The following CCDC181 variants were observed in gnomAD, a reference collection of about 807,000 sequenced individuals.
CCDC181 encodes the protein coiled-coil domain-containing protein 181.
CCDC181 carries 35 observed loss-of-function variants against 58.7 expected under a neutral mutation model. That is an observed-to-expected ratio of 0.60 (90% CI 0.46 to 0.79). The LOEUF is 0.79. Ranked by LOEUF, CCDC181 falls within the 30% of genes least tolerant of loss-of-function variation. CCDC181 has a pLI of 0.00. For synonymous variants in CCDC181, 183 were observed against 197.5 expected, an observed-to-expected ratio of 0.93 and a Z score of 0.62; for missense variants, 517 against 583.9, an observed-to-expected ratio of 0.89 and a Z score of 1.18.
At position 169,447,304 on chromosome 1, in the gene CCDC181, G is replaced by A. The variant is rs182487793; in HGVS notation, c.-24+12493C>T. ...ATTTTTGAAATTTTAGTAGAGACAAGGTTTCGCCATGATGGCCAGATTGGT... is the reference window on the plus strand; with the variant it reads ...ATTTTTGAAATTTTAGTAGAGACAAAGTTTCGCCATGATGGCCAGATTGGT... On this transcript the variant is annotated intron_variant, in intron 2 of 6. Coordinates refer to the CCDC181 transcript ENST00000545005. 4.5e-3 allele frequency among the ~76,000 whole-genome samples: 680 copies of A among 152,230 alleles called. 4 individuals carry two copies. The highest frequency in any genetic ancestry group is 0.016 in the African/African-American group (659 of 41,536).
upstream of CCDC181, among the ~76,000 whole-genome samples, chr1:169,429,285 C>A (rs1656838487): frequency 6.6e-6 from 1 of 152,124 alleles, no homozygotes; most frequent in Non-Finnish European, 1.5e-5. Context: ...GTCTTTTTCA[C>A]ATAATGACTT....
intron 2 of CCDC181, chr1:169,451,113 T>G (rs924686577): frequency 3.3e-5 from 5 of 152,110 alleles, no homozygotes; most frequent in Admixed American, 6.6e-5. Flanking sequence ...ATTACAGATG[T>G]GGAAGTCCAA....
chr1:169,459,912 A>G (rs7530756), intron 1 of CCDC181: 2 of 67,248 alleles, frequency 3.0e-5, no homozygotes, highest in Admixed American at 2.6e-4. Context: ...TAGGAAAAAA[A>G]AAAAAAAAAA....
At chr1:169,409,720 A>C (rs1471604880) in intron 4 of CCDC181, among the ~76,000 whole-genome samples, 1 of 152,218 alleles carries the variant, frequency 6.6e-6, no homozygotes, top group Non-Finnish European at 1.5e-5. Context: ...GCCAGAAGAG[A>C]GTAGGGGCCC....
At chr1:169,402,002 G>A (rs539704446) in intron 4 of CCDC181, among the ~76,000 whole-genome samples, 158 of 152,262 alleles carry the variant, frequency 1.0e-3, no homozygotes, top group Middle Eastern at 0.01. Context: ...AGAACTACGC[G>A]ATGCATGCAC....
chr1:169,450,848 T>C (rs535080604), intron 2 of CCDC181, among the ~76,000 whole-genome samples: 4 of 152,354 alleles, frequency 2.6e-5, no homozygotes, highest in Admixed American at 2.6e-4. Context: ...GAATGTATAC[T>C]GCTATCTCAT....
intron 2 of CCDC181, among the ~76,000 whole-genome samples, chr1:169,439,361 T>TGTTATGAGATGTCTCCC (rs1657145803): frequency 6.6e-6 from 1 of 152,336 alleles, no homozygotes; most frequent in South Asian, 2.1e-4. Flanking sequence ...ATAGGGCTAC[T>TGTTATGAGATGTCTCCC]GTTATGAGAT....
At chr1:169,443,140 T>G (rs1354599421) in intron 2 of CCDC181, 1 of 151,848 alleles carries the variant, frequency 6.6e-6, no homozygotes, top group Non-Finnish European at 1.5e-5. Flanking sequence ...CTGGAGACCT[T>G]AAGTTTGCCT....
In CCDC181 at chr1:169,422,248, G is replaced by A. The variant is rs765029493; in HGVS notation, c.183C>T (p.His61=). Residue 61 remains histidine (H), a synonymous_variant, in exon 3 of 6, where the codon CAC becomes CAT. Coordinates refer to ENST00000367806, the MANE Select transcript of CCDC181 (RefSeq NM_001300969.2). The part of the protein sequence containing the change: ...DLKENETVME[H]TKRHSDPDKS... ...TGTCAGGATCAGAATGCCGTTTGGT[G>A]TGCTCCATTACTGTCTCATTCTCTT... 1.2e-6 allele frequency: 2 copies of A among 1,612,170 alleles called. No individual in the cohort carries two copies. The highest frequency in any genetic ancestry group is 1.7e-6 in the Non-Finnish European group (2 of 1,178,692).
chr1:169,420,317 G>A (rs1205026636), intron 3 of CCDC181, among the ~76,000 whole-genome samples: 2 of 151,862 alleles, frequency 1.3e-5, no homozygotes, highest in African/African-American at 2.4e-5. Flanking sequence ...CCAAGTGAAC[G>A]AAGCTCTATA....
At chr1:169,417,900 C>A (rs1303722276) in intron 4 of CCDC181, among the ~76,000 whole-genome samples, 1 of 152,034 alleles carries the variant, frequency 6.6e-6, no homozygotes, top group African/African-American at 2.4e-5. Flanking sequence ...GGGTAGAGAC[C>A]TATATCTATC....
intron 4 of CCDC181, among the ~76,000 whole-genome samples, chr1:169,399,870 CAT>C (rs1553202426): frequency 6.6e-6 from 1 of 152,198 alleles, no homozygotes; most frequent in Non-Finnish European, 1.5e-5. Flanking sequence ...AAGGAGGAGT[CAT>C]AGCATCAAGC....
Position 169,440,931 on chromosome 1 carries a change from T to TA in CCDC181, c.-23-15982dup, listed in dbSNP as rs72040890. On this transcript the variant is annotated intron_variant, in intron 2 of 6. Transcript: ENST00000545005. ...GCCCAGGCAACAGAGCAAGACTGTCTAAAAAAAAAAAAAAGGCAAGATGAG... is the reference window on the plus strand; with the variant it reads ...GCCCAGGCAACAGAGCAAGACTGTCTAAAAAAAAAAAAAAAGGCAAGATGAG... 8.8e-4 allele frequency among the ~76,000 whole-genome samples: 68 copies of TA among 76,890 alleles called. 4 individuals carry two copies. The highest frequency in any genetic ancestry group is 9.8e-4 in the Admixed American group (7 of 7,168). 50.4% of individuals were successfully genotyped at this position (76,890 alleles called of 152,430 possible). A position where few individuals can be genotyped will look rare whatever the true frequency, so the allele number is the denominator to read the frequency against.
chr1:169,426,919 A>G (rs1013535842), intron 1 of CCDC181, among the ~76,000 whole-genome samples: 2 of 152,216 alleles, frequency 1.3e-5, no homozygotes, highest in Non-Finnish European at 2.9e-5. Flanking sequence ...GGTACCACCA[A>G]CGAAATGAAT....
Position 169,459,799 on chromosome 1 carries a change from A to C in CCDC181, c.-26T>G, listed in dbSNP as rs969215576. On this transcript the variant is annotated splice_region_variant and 5_prime_UTR_variant, in exon 2 of 7. Transcript: ENST00000545005. Reference sequence around the variant, plus strand: ...CGATCCTAGAGATTAGTACTGACCTAGAATTTAAGGTCCATCTTTGTCAAC... The same window carrying C: ...CGATCCTAGAGATTAGTACTGACCTCGAATTTAAGGTCCATCTTTGTCAAC... The C allele has an allele frequency of 2.6e-5, 4 of 151,030 alleles. No homozygotes were observed. The East Asian group carries it at 7.8e-4, about 29-fold the overall frequency. The allele number at this position is 151,030 out of a possible 1,614,324, so 9.4% of individuals were successfully genotyped here.
rs759508589 is a variant in CCDC181, at chr1:169,422,033, T to G, written c.398A>C (p.Gln133Pro). 2 of 1,614,078 alleles carry G rather than the reference T, an allele frequency of 1.2e-6. No individual in the cohort carries two copies. Among genetic ancestry groups the G allele is most frequent in the East Asian group, 4.5e-5 (2 of 44,864 alleles). The change falls in exon 3 of 6, where the codon CAA (glutamine) becomes CCA (proline). Residue 133 changes from glutamine to proline, a missense_variant. Gln to Pro is a moderately conservative substitution (Grantham distance 76). Coordinates refer to ENST00000367806, the MANE Select transcript of CCDC181 (RefSeq NM_001300969.2). Reference protein sequence around the residue: ...VRRYIMEKIVQANKLLQNQEP... With the variant: ...VRRYIMEKIVPANKLLQNQEP... ...TTGATTCTGTAGAAGCTTGTTAGCTTGTACAATTTTCTCCATAATATATCT... is the reference window on the plus strand; with the variant it reads ...TTGATTCTGTAGAAGCTTGTTAGCTGGTACAATTTTCTCCATAATATATCT...
Position 169,424,837 on chromosome 1 carries a change from C to G in CCDC181, c.91G>C (p.Glu31Gln), listed in dbSNP as rs144603502. The stretch of plus-strand genomic sequence containing the variant: ...TCTATTATGCTGGCATCACTTTTTT[C>G]ATTTTCATTAATTAACCACTCCAGG... ...KDLEWLINEN[E>Q]KSDASIIEMA... Residue 31 changes from glutamate to glutamine, a missense_variant, in exon 2 of 6, where the codon GAA (glutamate) becomes CAA (glutamine). By Grantham distance (29) the Glu-to-Gln change is conservative. Transcript: ENST00000367806. 3.1e-6 allele frequency: 5 copies of G among 1,597,854 alleles called. No individual in the cohort carries two copies. The highest frequency in any genetic ancestry group is 4.3e-6 in the Non-Finnish European group (5 of 1,168,932).
chr1:169,424,732 A>T, intron 2 of CCDC181, 79 bp downstream of exon 2: 1 of 780,930 alleles, frequency 1.3e-6, no homozygotes, highest in Non-Finnish European at 2.1e-6. Flanking sequence ...TGTTTAGATG[A>T]GATAATAATG....
chr1:169,425,571 A>G (rs1486309008), intron 1 of CCDC181, among the ~76,000 whole-genome samples: 3 of 152,168 alleles, frequency 2.0e-5, no homozygotes, highest in African/African-American at 7.2e-5. Flanking sequence ...TCAACACTTC[A>G]GAGTGAGTTT....
Sources: allele counts gnomAD v4.1 joint callset (sites outside exome capture counted in the v4.1 genomes callset), GRCh38; gene constraint gnomAD v4.1.1; transcripts MANE v1.5; gene names NCBI Gene and HGNC (gene_info 2026-07-23, HGNC 2026-07-21).